The following GADL1 variants were observed in gnomAD, a reference collection of about 807,000 sequenced individuals.
GADL1 encodes GAD like acidic amino acid decarboxylase 1, also known as acidic amino acid decarboxylase GADL1.
A neutral mutation model predicts 69.5 loss-of-function variants in GADL1; 71 were observed. That is an observed-to-expected ratio of 1.02 (90% CI 0.84 to 1.25). The LOEUF (loss-of-function observed/expected upper bound fraction) is 1.25. Among genes scored for constraint, GADL1 ranks in the 50% most tolerant of loss-of-function variants. The probability of loss-of-function intolerance (pLI) is 0.00; values close to 1 mark genes in which losing one functional copy is unlikely to be tolerated. For synonymous variants in GADL1, 254 were observed against 214.4 expected, an observed-to-expected ratio of 1.18 and a Z score of -1.62; for missense variants, 737 against 631.8, an observed-to-expected ratio of 1.17 and a Z score of -1.79.
intron 1 of GADL1, among the ~76,000 whole-genome samples, chr3:30,879,651 C>G (rs934864393): frequency 1.3e-5 from 2 of 151,938 alleles, no homozygotes; most frequent in Non-Finnish European, 2.9e-5. Flanking sequence ...CTGCACTCGT[C>G]TCTCTTGCTT....
intron 6 of GADL1, among the ~76,000 whole-genome samples, chr3:30,845,420 AT>A (rs762085323): frequency 3.9e-4 from 59 of 152,298 alleles, no homozygotes; most frequent in African/African-American, 1.2e-3. Flanking sequence ...CCAAAAAAAA[AT>A]CTTAGTAATT....
At chr3:30,776,777 G>T (rs981662505) in intron 14 of GADL1, among the ~76,000 whole-genome samples, 1 of 152,178 alleles carries the variant, frequency 6.6e-6, no homozygotes, top group Non-Finnish European at 1.5e-5. Context: ...GCCGTGGAAG[G>T]CAAGGCTCCC....
intron 14 of GADL1, among the ~76,000 whole-genome samples, chr3:30,753,026 G>A (rs7643891): frequency 0.43 from 64,761 of 151,944 alleles, 14,336 homozygotes; most frequent in African/African-American, 0.53. Context: ...CTAAAGGAGA[G>A]TCATAACGGG....
At chr3:30,778,482 T>G (rs1443547878) in intron 13 of GADL1, among the ~76,000 whole-genome samples, 1 of 152,170 alleles carries the variant, frequency 6.6e-6, no homozygotes, top group Non-Finnish European at 1.5e-5. Flanking sequence ...CAGGTTCTCT[T>G]TCATCTTAAA....
chr3:30,857,177 C>A (rs1430959093), intron 2 of GADL1, 36 bp from the exon 3 acceptor site: 2 of 1,543,100 alleles, frequency 1.3e-6, no homozygotes, highest in Non-Finnish European at 8.8e-7. Flanking sequence ...TGAGTATCCA[C>A]CATAGCCAGG....
At chr3:30,756,253 C>T (rs1441962567) in intron 14 of GADL1, among the ~76,000 whole-genome samples, 1 of 152,142 alleles carries the variant, frequency 6.6e-6, no homozygotes, top group Admixed American at 6.5e-5. Flanking sequence ...TTCTGAAACT[C>T]AGCTACTCAA....
intron 14 of GADL1, among the ~76,000 whole-genome samples, chr3:30,746,759 C>T (rs1435683070): frequency 1.3e-5 from 2 of 152,080 alleles, no homozygotes; most frequent in Non-Finnish European, 2.9e-5. Flanking sequence ...AAACAATGGA[C>T]ATTAAGATAA....
intron 8 of GADL1, among the ~76,000 whole-genome samples, chr3:30,839,964 A>C (rs1697940788): frequency 6.6e-6 from 1 of 152,166 alleles, no homozygotes; most frequent in Admixed American, 6.6e-5. Flanking sequence ...GGATTGCTCC[A>C]GGATGGTGGT....
At chr3:30,823,013 T>C (rs150452375) in intron 11 of GADL1, among the ~76,000 whole-genome samples, 2 of 152,070 alleles carry the variant, frequency 1.3e-5, no homozygotes, top group African/African-American at 4.8e-5. Context: ...GTGGCACATA[T>C]CAATTCTAAT....
chr3:30,850,147 A>T, intron 5 of GADL1, 36 bp from the exon 6 acceptor site: 1 of 1,152,600 alleles, frequency 8.7e-7, no homozygotes, highest in Non-Finnish European at 1.3e-6. Flanking sequence ...TATTTATAGC[A>T]TGAAGTTATA....
chr3:30,758,479 A>G (rs1696034974), intron 14 of GADL1, among the ~76,000 whole-genome samples: 1 of 152,168 alleles, frequency 6.6e-6, no homozygotes, highest in Non-Finnish European at 1.5e-5. Context: ...CTTTAGAATC[A>G]GACTGGCTCT....
At chr3:30,803,593 G>C (rs779786428) in intron 11 of GADL1, among the ~76,000 whole-genome samples, 4 of 152,194 alleles carry the variant, frequency 2.6e-5, no homozygotes, top group Non-Finnish European at 5.9e-5. Context: ...GAGAACAAGA[G>C]AGCCAAGAAA....
intron 14 of GADL1, among the ~76,000 whole-genome samples, chr3:30,735,988 C>T (rs1695536945): frequency 6.6e-6 from 1 of 152,050 alleles, no homozygotes; most frequent in Non-Finnish European, 1.5e-5. Flanking sequence ...CATAATCTTT[C>T]ATTATGTTTG....
At chr3:30,880,298 T>C (rs1480315593) in intron 1 of GADL1, among the ~76,000 whole-genome samples, 1 of 151,898 alleles carries the variant, frequency 6.6e-6, no homozygotes, top group African/African-American at 2.4e-5. Context: ...ACAGGTTATA[T>C]GCTGATATGG....
intron 8 of GADL1, among the ~76,000 whole-genome samples, chr3:30,842,786 C>T (rs1359058491): frequency 8.4e-6 from 1 of 119,560 alleles, no homozygotes; most frequent in Non-Finnish European, 1.7e-5. Context: ...TGCAAACCAC[C>T]AGATAACAAT....
At chr3:30,756,707 G>A (rs1056263619) in intron 14 of GADL1, among the ~76,000 whole-genome samples, 24 of 152,296 alleles carry the variant, frequency 1.6e-4, no homozygotes, top group Middle Eastern at 3.4e-3. Context: ...ATGCGGAGGA[G>A]AGTTTAGTTG....
intron 12 of GADL1, among the ~76,000 whole-genome samples, chr3:30,792,797 CTATT>C (rs1170727094): frequency 6.6e-6 from 1 of 152,096 alleles, no homozygotes; most frequent in Admixed American, 6.6e-5. Flanking sequence ...ACTTTAAGTT[CTATT>C]TAGGTAAGAA....
chr3:30,830,152 G>T (rs985832146), intron 11 of GADL1, among the ~76,000 whole-genome samples: 7 of 151,616 alleles, frequency 4.6e-5, no homozygotes, highest in Non-Finnish European at 1.0e-4. Flanking sequence ...ATAATTATTT[G>T]ACCTACCTCC....
At chr3:30,760,788 C>T (rs1026361456) in intron 14 of GADL1, among the ~76,000 whole-genome samples, 1 of 152,022 alleles carries the variant, frequency 6.6e-6, no homozygotes, top group African/African-American at 2.4e-5. Context: ...GGGACTTCTC[C>T]ACATGTTTTT....
Sources: gnomAD v4.1 joint callset for allele counts (sites outside exome capture counted in the v4.1 genomes callset) on GRCh38, gnomAD v4.1.1 for gene constraint, MANE v1.5 for transcripts, NCBI Gene and HGNC (gene_info 2026-07-23, HGNC 2026-07-21) for gene names.